Variants in ZFAT observed in about 807,000 individuals in gnomAD.
The protein encoded by ZFAT is zinc finger and AT-hook domain containing, also known as zinc finger protein ZFAT.
ZFAT carries 64 observed loss-of-function variants against 117.7 expected under a neutral mutation model. That is an observed-to-expected ratio of 0.54 (90% CI 0.44 to 0.67). ZFAT has a LOEUF of 0.67. Ranked by LOEUF, ZFAT falls within the 30% of genes least tolerant of loss-of-function variation. The probability of loss-of-function intolerance (pLI) is 0.00; values close to 1 mark genes in which losing one functional copy is unlikely to be tolerated. For synonymous variants in ZFAT, 679 were observed against 615.0 expected, an observed-to-expected ratio of 1.10 and a Z score of -1.54; for missense variants, 1,433 against 1,584.5, an observed-to-expected ratio of 0.90 and a Z score of 1.62.
chr8:134,599,889 T>C (rs1827274827), intron 7 of ZFAT: 1 of 431,118 alleles, frequency 2.3e-6, no homozygotes, highest in African/African-American at 2.1e-5. Context: ...TTGTGAATAT[T>C]AACAGCATAT....
At chr8:134,531,865 C>A (rs74961156) in intron 12 of ZFAT, among the ~76,000 whole-genome samples, 2 of 152,180 alleles carry the variant, frequency 1.3e-5, no homozygotes, top group Non-Finnish European at 1.5e-5. Context: ...GCTATTACAG[C>A]GAGCGGAGCT....
the ZFAT span, among the ~76,000 whole-genome samples, chr8:134,754,379 G>A: frequency 6.6e-6 from 1 of 152,208 alleles, no homozygotes; most frequent in Non-Finnish European, 1.5e-5. Context: ...AAGGAGAGTT[G>A]TCAAATTTCA....
chr8:134,549,985 T>C (rs1304868538), intron 11 of ZFAT, among the ~76,000 whole-genome samples: 2 of 152,182 alleles, frequency 1.3e-5, no homozygotes, highest in Non-Finnish European at 2.9e-5. Context: ...CAGATTTTCA[T>C]GGGCTCGTGT....
At chr8:134,509,389 A>AT (rs1006727111) in intron 15 of ZFAT, among the ~76,000 whole-genome samples, 56 of 149,408 alleles carry the variant, frequency 3.7e-4, no homozygotes, top group Admixed American at 9.3e-4. Flanking sequence ...AGTTTCCAGA[A>AT]TTTTTTTTTT....
At chr8:134,581,898 C>T (rs1825738541) in intron 10 of ZFAT, among the ~76,000 whole-genome samples, 1 of 152,162 alleles carries the variant, frequency 6.6e-6, no homozygotes, top group African/African-American at 2.4e-5. Flanking sequence ...CCTGGATGCC[C>T]TTCTTACCAG....
chr8:134,779,343 T>C, the ZFAT span, among the ~76,000 whole-genome samples: 1 of 152,032 alleles, frequency 6.6e-6, no homozygotes. Context: ...TGGTGGATTA[T>C]GGGTTAAAAT....
chr8:134,781,696 C>A, the ZFAT span, among the ~76,000 whole-genome samples: 205 of 152,224 alleles, frequency 1.3e-3, no homozygotes, highest in Middle Eastern at 3.4e-3. Flanking sequence ...GCTTCTCCTG[C>A]CTCCTTTTCT....
intron 2 of ZFAT, among the ~76,000 whole-genome samples, chr8:134,652,682 C>T (rs890887983): frequency 1.3e-5 from 2 of 152,178 alleles, no homozygotes; most frequent in Non-Finnish European, 2.9e-5. Flanking sequence ...ACATGGTCAA[C>T]CTCACTAGTG....
At chr8:134,655,873 A>G (rs984747825) in intron 2 of ZFAT, among the ~76,000 whole-genome samples, 1 of 148,380 alleles carries the variant, frequency 6.7e-6, no homozygotes, top group African/African-American at 2.5e-5. Context: ...AGGTACCCAG[A>G]TGAAACCCTG....
At chr8:134,532,785 G>T in intron 12 of ZFAT, 49 bp downstream of exon 12, 1 of 1,595,868 alleles carries the variant, frequency 6.3e-7, no homozygotes, top group Non-Finnish European at 8.5e-7. Flanking sequence ...TGGGGGACTT[G>T]GCCTAAAAGG....
At chr8:134,710,342 G>A (rs1813944491) in intron 1 of ZFAT, among the ~76,000 whole-genome samples, 1 of 152,190 alleles carries the variant, frequency 6.6e-6, no homozygotes, top group Non-Finnish European at 1.5e-5. Context: ...TACTTGCACA[G>A]GACACTTGCC....
At chr8:134,809,370 T>C in the ZFAT span, among the ~76,000 whole-genome samples, 26 of 152,324 alleles carry the variant, frequency 1.7e-4, no homozygotes, top group South Asian at 4.6e-3. Context: ...GCTTAGTCTA[T>C]AGTCTCAATA....
chr8:134,676,527 G>A (rs987706991), intron 1 of ZFAT, among the ~76,000 whole-genome samples: 3 of 152,104 alleles, frequency 2.0e-5, no homozygotes, highest in South Asian at 2.1e-4. Flanking sequence ...GTCAATATTA[G>A]ACAGATCAAT....
intron 7 of ZFAT, among the ~76,000 whole-genome samples, chr8:134,597,327 T>C (rs1216978829): frequency 3.3e-5 from 5 of 152,216 alleles, no homozygotes; most frequent in African/African-American, 1.2e-4. Flanking sequence ...TCTTACTATG[T>C]TGGCAATATG....
chr8:134,653,381 CT>C (rs1450519894), intron 2 of ZFAT, among the ~76,000 whole-genome samples: 1 of 145,286 alleles, frequency 6.9e-6, no homozygotes, highest in Non-Finnish European at 1.5e-5. Flanking sequence ...GCTCAGCCTC[CT>C]GAGTACCTGG....
chr8:134,599,915 C>A, intron 7 of ZFAT: 3 of 405,608 alleles, frequency 7.4e-6, no homozygotes, highest in Non-Finnish European at 1.4e-5. Flanking sequence ...TAACATTTCA[C>A]TTTTTTAAAA....
intron 15 of ZFAT, among the ~76,000 whole-genome samples, chr8:134,494,690 T>C (rs1276716182): frequency 2.0e-5 from 3 of 152,200 alleles, no homozygotes; most frequent in Non-Finnish European, 4.4e-5. Context: ...TTGCCCAAGG[T>C]AGAAAAACCA....
In ZFAT at chr8:134,505,148, C is replaced by T. The variant is rs904410014; in HGVS notation, c.3492+4471G>A. Among the ~76,000 whole-genome samples the T allele has an allele frequency of 2.0e-5, 3 of 152,154 alleles. No homozygotes were observed. The East Asian group carries it at 5.8e-4, about 29-fold the overall frequency. ...GCCTCTAACGTACTATTATAATTTA[C>T]TTATTACATGTATATGGATTGGCTA... On this transcript the variant is annotated intron_variant, in intron 15 of 15. Coordinates refer to ENST00000377838, the MANE Select transcript of ZFAT (RefSeq NM_020863.4).
At chr8:134,828,098 T>TA in the ZFAT span, among the ~76,000 whole-genome samples, 1 of 152,228 alleles carries the variant, frequency 6.6e-6, no homozygotes, top group Non-Finnish European at 1.5e-5. Context: ...ATGTACTTTT[T>TA]AATCTATGTT....
Sources: gnomAD v4.1 joint callset for allele counts (sites outside exome capture counted in the v4.1 genomes callset) on GRCh38, gnomAD v4.1.1 for gene constraint, MANE v1.5 for transcripts, NCBI Gene and HGNC (gene_info 2026-07-23, HGNC 2026-07-21) for gene names.